Variants in CPQ observed in about 807,000 individuals in gnomAD.
The protein encoded by CPQ is carboxypeptidase Q, also known as Ser-Met dipeptidase.
CPQ carries 37 observed loss-of-function variants against 45.7 expected under a neutral mutation model. The observed-to-expected ratio is 0.81, with a 90% CI of 0.62 to 1.07. The LOEUF (loss-of-function observed/expected upper bound fraction) is 1.07. Ranked by LOEUF, CPQ falls within the 50% of genes least tolerant of loss-of-function variation. CPQ has a pLI of 0.00. For synonymous variants in CPQ, 186 were observed against 205.8 expected, an observed-to-expected ratio of 0.90 and a Z score of 0.82; for missense variants, 537 against 572.9, an observed-to-expected ratio of 0.94 and a Z score of 0.64.
chr8:96,779,751 C>CT (rs1297476587), intron 1 of CPQ, among the ~76,000 whole-genome samples: 5 of 151,772 alleles, frequency 3.3e-5, no homozygotes, highest in South Asian at 2.1e-4. Flanking sequence ...TCTTATGAAC[C>CT]TTTTTTTTGC....
At chr8:96,938,255 G>A (rs1813080026) in intron 4 of CPQ, among the ~76,000 whole-genome samples, 1 of 152,034 alleles carries the variant, frequency 6.6e-6, no homozygotes, top group South Asian at 2.1e-4. Flanking sequence ...ATTTAGACCG[G>A]GTGTGGTGGC....
chr8:96,737,872 T>C (rs563088559), intron 1 of CPQ, among the ~76,000 whole-genome samples: 11 of 152,332 alleles, frequency 7.2e-5, no homozygotes, highest in African/African-American at 2.6e-4. Flanking sequence ...GCTCTAAATC[T>C]GTCTCTATCT....
chr8:96,926,031 C>G (rs1436712250), intron 4 of CPQ, among the ~76,000 whole-genome samples: 1 of 152,152 alleles, frequency 6.6e-6, no homozygotes, highest in Non-Finnish European at 1.5e-5. Context: ...AATGTGCAGC[C>G]AAGGTTGAGA....
At chr8:96,929,434 A>G (rs1221583773) in intron 4 of CPQ, among the ~76,000 whole-genome samples, 1 of 152,188 alleles carries the variant, frequency 6.6e-6, no homozygotes, top group Non-Finnish European at 1.5e-5. Flanking sequence ...ATCAGATTAA[A>G]CAAAGATGCT....
chr8:96,847,027 G>T (rs576826897), intron 3 of CPQ, among the ~76,000 whole-genome samples: 152 of 152,292 alleles, frequency 1.0e-3, no homozygotes, highest in African/African-American at 3.5e-3. Context: ...TTTGGCAAGG[G>T]TTCTATATGG....
intron 1 of CPQ, among the ~76,000 whole-genome samples, chr8:96,676,223 C>T (rs949944962): frequency 7.2e-5 from 11 of 152,072 alleles, no homozygotes; most frequent in South Asian, 4.1e-4. Flanking sequence ...ATTCCTTCTA[C>T]GTTTCTGTAT....
At chr8:97,042,732 T>G (rs1313782529) in intron 6 of CPQ, among the ~76,000 whole-genome samples, 1 of 151,658 alleles carries the variant, frequency 6.6e-6, no homozygotes, top group Non-Finnish European at 1.5e-5. Context: ...TCTGCCTTCA[T>G]TTCGTTATGT....
At chr8:97,119,785 A>G (rs893747949) in intron 7 of CPQ, among the ~76,000 whole-genome samples, 10 of 152,188 alleles carry the variant, frequency 6.6e-5, no homozygotes, top group Admixed American at 1.3e-4. Context: ...AGTGAGTTTT[A>G]ATTGTTTCTT....
intron 6 of CPQ, among the ~76,000 whole-genome samples, chr8:97,056,123 CA>C (rs1810452754): frequency 6.6e-6 from 1 of 152,064 alleles, no homozygotes; most frequent in African/African-American, 2.4e-5. Context: ...CACACACACA[CA>C]CACACACAAA....
intron 6 of CPQ, among the ~76,000 whole-genome samples, chr8:97,049,960 T>A (rs2130504745): frequency 6.6e-6 from 1 of 152,340 alleles, no homozygotes; most frequent in South Asian, 2.1e-4. Context: ...TTTTCCTCTG[T>A]ACTTTCAATT....
At chr8:96,944,898 G>A (rs1252637964) in intron 4 of CPQ, among the ~76,000 whole-genome samples, 2 of 151,892 alleles carry the variant, frequency 1.3e-5, no homozygotes, top group Non-Finnish European at 2.9e-5. Context: ...TTTATGGATT[G>A]TACTTCCTAG....
chr8:97,142,585 T>C (rs1018251485), intron 7 of CPQ, among the ~76,000 whole-genome samples: 4 of 152,228 alleles, frequency 2.6e-5, no homozygotes, highest in African/African-American at 9.6e-5. Flanking sequence ...CTCAGTTACT[T>C]ATACAAATAA....
chr8:96,655,405 G>A (rs1387056643), intron 1 of CPQ, among the ~76,000 whole-genome samples: 1 of 151,876 alleles, frequency 6.6e-6, no homozygotes, highest in Non-Finnish European at 1.5e-5. Context: ...TATCTCTTGG[G>A]TTTCTTTTTT....
chr8:97,037,469 A>C (rs1408865307), intron 6 of CPQ, among the ~76,000 whole-genome samples: 1 of 152,166 alleles, frequency 6.6e-6, no homozygotes, highest in East Asian at 1.9e-4. Context: ...TAGACGTACT[A>C]ATCAGAGGTG....
chr8:97,097,033 C>G (rs1811220957), intron 7 of CPQ, among the ~76,000 whole-genome samples: 1 of 152,294 alleles, frequency 6.6e-6, no homozygotes, highest in Middle Eastern at 3.4e-3. Flanking sequence ...TGGTTCTATT[C>G]TTGAAAAGGT....
chr8:96,776,757 G>T (rs1466077951), intron 1 of CPQ, among the ~76,000 whole-genome samples: 1 of 152,082 alleles, frequency 6.6e-6, no homozygotes, highest in Non-Finnish European at 1.5e-5. Flanking sequence ...TTGTGAAAAA[G>T]ATAATCTGTA....
At chr8:96,715,271 A>G (rs111297172) in intron 1 of CPQ, among the ~76,000 whole-genome samples, 100 of 152,256 alleles carry the variant, frequency 6.6e-4, no homozygotes, top group Admixed American at 1.9e-3. Context: ...TGCAGGGGAA[A>G]TTTAGGCAGC....
intron 7 of CPQ, among the ~76,000 whole-genome samples, chr8:97,111,682 C>T (rs2130594126): frequency 6.6e-6 from 1 of 152,334 alleles, no homozygotes; most frequent in South Asian, 2.1e-4. Flanking sequence ...AGCATTCTGT[C>T]TGCTGAGTGT....
At position 96,979,086 on chromosome 8, in the gene CPQ, T is replaced by C. The variant is rs190457969; in HGVS notation, c.961+13040T>C. ...AAGAACAAATTAGAACTCATGAAAG[T>C]ACATAGTTTGAGGAGTAGAAGATGT... On this transcript the variant is annotated intron_variant, in intron 5 of 7. Coordinates refer to ENST00000220763, the MANE Select transcript of CPQ (RefSeq NM_016134.4). Among the ~76,000 whole-genome samples, 7 of 150,062 alleles carry C rather than the reference T, an allele frequency of 4.7e-5. No homozygotes were observed. In the East Asian group the frequency reaches 7.8e-4, roughly 17 times the overall value.
Sources: gnomAD v4.1 joint callset for allele counts (sites outside exome capture counted in the v4.1 genomes callset) on GRCh38, gnomAD v4.1.1 for gene constraint, MANE v1.5 for transcripts, NCBI Gene and HGNC (gene_info 2026-07-23, HGNC 2026-07-21) for gene names.